The following NECTIN1 variants were observed in gnomAD, a reference collection of about 807,000 sequenced individuals.
NECTIN1 encodes the protein nectin cell adhesion molecule 1.
A neutral mutation model predicts 48.0 loss-of-function variants in NECTIN1; 23 were observed. The observed-to-expected ratio is 0.48, with a 90% confidence interval of 0.34 to 0.68. The LOEUF is 0.68. NECTIN1 is among the 30% of genes least tolerant of loss of function. The pLI is 0.01. For synonymous variants in NECTIN1, 270 were observed against 288.9 expected (o/e 0.93, Z 0.66); for missense variants, 591 against 709.9 (o/e 0.83, Z 1.90).
rs761442448 is a variant in NECTIN1, at chr11:119,664,740, A to AG, written c.*6dup. 6 of 1,605,336 alleles carry AG rather than the reference A, an allele frequency of 3.7e-6. No individual in the cohort carries two copies. Among genetic ancestry groups the AG allele is most frequent in the African/African-American group, 2.7e-5 (2 of 74,690 alleles). On this transcript the variant is annotated 3_prime_UTR_variant, in exon 6 of 6. Transcript: ENST00000264025. ...AGCGGTCACAGACAGAGGCTCTGGA[A>AG]GGGGGGCTACACGTACCACTCCTTC... is the stretch of plus-strand genomic sequence containing the variant.
chr11:119,721,369 C>T (rs1379853541), intron 1 of NECTIN1, among the ~76,000 whole-genome samples: 4 of 152,224 alleles, frequency 2.6e-5, no homozygotes, highest in African/African-American at 9.6e-5. Context: ...AAGCCCATAG[C>T]TTGAACTCAG....
At chr11:119,674,252 G>A (rs1438386813) in intron 5 of NECTIN1, 13 of 1,008,912 alleles carry the variant, frequency 1.3e-5, no homozygotes, top group South Asian at 2.4e-5. Flanking sequence ...AAGACACTCG[G>A]TCACCCTGTC....
Position 119,666,970 on chromosome 11 carries a change from G to C in NECTIN1, c.1004-1673C>G, listed in dbSNP as rs1864781735. Among the ~76,000 whole-genome samples the C allele has an allele frequency of 3.9e-5, 6 of 152,092 alleles. No homozygotes were observed. In the South Asian group the frequency reaches 1.2e-3, roughly 32 times the overall value. On this transcript the variant is annotated intron_variant, in intron 5 of 5. Coordinates refer to ENST00000264025, the MANE Select transcript of NECTIN1 (RefSeq NM_002855.5). ...ACGCGGCTGAGCCAGGACCCCCCAGGGGCTCCTATACACGTGGGCACTGGC... is the reference window on the plus strand; with the variant it reads ...ACGCGGCTGAGCCAGGACCCCCCAGCGGCTCCTATACACGTGGGCACTGGC...
intron 1 of NECTIN1, among the ~76,000 whole-genome samples, chr11:119,702,692 A>G (rs1334397130): frequency 6.6e-6 from 1 of 152,206 alleles, no homozygotes; most frequent in Non-Finnish European, 1.5e-5. Flanking sequence ...TCTCGTCTAT[A>G]AAAATGGAGA....
rs1305206364 is a variant in NECTIN1 at position 119,663,481 on chromosome 11, G to A, written c.*1266C>T. The A allele has an allele frequency of 8.1e-6, 8 of 985,394 alleles. No homozygotes were observed. Among genetic ancestry groups the A allele is most frequent in the African/African-American group, 5.2e-5 (3 of 57,228 alleles). 61.0% of individuals were successfully genotyped at this position (985,394 alleles called of 1,614,324 possible). On this transcript the variant is annotated 3_prime_UTR_variant, in exon 6 of 6. Transcript: ENST00000264025. ...GTGGCTGAGCAGGAGGTGGCCTAGC[G>A]GCCCCACCCCCCTCACTTTCTGCCA... is the stretch of plus-strand genomic sequence containing the variant.
At chr11:119,658,995 G>A (rs1457966767), downstream of NECTIN1, 1 of 152,190 alleles carries the variant, frequency 6.6e-6, no homozygotes, top group East Asian at 1.9e-4. Flanking sequence ...AAATTCTCAA[G>A]GCTGCCCGAA....
chr11:119,655,162 C>T (rs1238511884), intron 5 of NECTIN1, among the ~76,000 whole-genome samples: 4 of 150,734 alleles, frequency 2.7e-5, no homozygotes, highest in Non-Finnish European at 4.4e-5. Context: ...CCACCCACCT[C>T]GGCCTCCCAA....
In NECTIN1 at chr11:119,699,651, A is replaced by C. The variant is rs1055793541; in HGVS notation, c.80-20886T>G. On this transcript the variant is annotated intron_variant, in intron 1 of 5. Transcript: ENST00000264025. ...CAAACATGCAAGGGAGAGTGGCAGG[A>C]GTCTGGGGTAGGGCCTTTTGAAAGA... Among the ~76,000 whole-genome samples the C allele has an allele frequency of 2.0e-5, 3 of 152,168 alleles. No individual in the cohort carries two copies. In the East Asian group the frequency reaches 5.8e-4, roughly 29 times the overall value.
At chr11:119,708,593 T>C (rs553080412) in intron 1 of NECTIN1, among the ~76,000 whole-genome samples, 6 of 119,964 alleles carry the variant, frequency 5.0e-5, no homozygotes, top group South Asian at 5.6e-4. Flanking sequence ...AGAAAGTAGA[T>C]GAGTGGTTGT....
chr11:119,645,868 C>A (rs1196156310), intron 5 of NECTIN1, among the ~76,000 whole-genome samples: 1 of 152,220 alleles, frequency 6.6e-6, no homozygotes, highest in Non-Finnish European at 1.5e-5. Context: ...AGGGAACCCA[C>A]CTAGAGACTC....
At chr11:119,700,026 G>T (rs1441311180) in intron 1 of NECTIN1, among the ~76,000 whole-genome samples, 1 of 152,226 alleles carries the variant, frequency 6.6e-6, no homozygotes, top group African/African-American at 2.4e-5. Flanking sequence ...TGTGGAGCCG[G>T]AACTGTGTTA....
At chr11:119,692,999 T>C (rs6589767) in intron 1 of NECTIN1, among the ~76,000 whole-genome samples, 78,096 of 151,964 alleles carry the variant, frequency 0.51, 21,581 homozygotes, top group African/African-American at 0.72. Context: ...GGCACCATCC[T>C]CCCACCCCTG....
chr11:119,692,429 G>C (rs1024372939), intron 1 of NECTIN1, among the ~76,000 whole-genome samples: 1 of 151,714 alleles, frequency 6.6e-6, no homozygotes, highest in Non-Finnish European at 1.5e-5. Context: ...GTGTGTGTGT[G>C]TGGGTGGCGG....
chr11:119,676,694 G>A, intron 4 of NECTIN1: 1 of 278,326 alleles, frequency 3.6e-6, no homozygotes. Flanking sequence ...GTGCCAGAGA[G>A]AAGGAATAGG....
intron 5 of NECTIN1, among the ~76,000 whole-genome samples, chr11:119,654,596 G>C (rs1864541941): frequency 6.7e-6 from 1 of 149,682 alleles, no homozygotes; most frequent in Non-Finnish European, 1.5e-5. Flanking sequence ...TTTTGAGATG[G>C]AATCTCGCTC....
intron 1 of NECTIN1, among the ~76,000 whole-genome samples, chr11:119,699,067 G>A (rs1865390372): frequency 6.6e-6 from 1 of 152,176 alleles, no homozygotes; most frequent in Admixed American, 6.5e-5. Context: ...TGCCTGCCCT[G>A]GTCCTGGAGT....
Position 119,678,668 on chromosome 11 carries a change from G to T in NECTIN1, c.177C>A (p.Ser59Arg), listed in dbSNP as rs139418917. 3 of 1,613,906 alleles carry T rather than the reference G, an allele frequency of 1.9e-6. No individual in the cohort carries two copies. Among genetic ancestry groups the T allele is most frequent in the East Asian group, 2.2e-5 (1 of 44,876 alleles). The change falls in exon 2 of 6, where the codon AGC (serine) becomes AGA (arginine). Residue 59 changes from serine to arginine, a missense_variant. Ser to Arg is a moderately radical substitution (Grantham distance 110). Coordinates refer to ENST00000264025, the MANE Select transcript of NECTIN1 (RefSeq NM_002855.5). The surrounding 1 kb of genome is among the most constrained non-coding windows in gnomAD (Gnocchi z 4.4). ...GCCATGTGACCTGGGTGATCTTCAC[G>T]CTGGGAAGCGGGTTGGCAAAGCTGC... ...LHCSFANPLP[S>R]VKITQVTWQK... is the part of the protein sequence containing the mutation.
chr11:119,664,705 G>T lies in NECTIN1; in HGVS notation c.*42C>A. 1 of 1,534,018 alleles carries T rather than the reference G, an allele frequency of 6.5e-7. No individual in the cohort carries two copies. The highest frequency in any genetic ancestry group is 8.8e-7 in the Non-Finnish European group (1 of 1,134,832). On this transcript the variant is annotated 3_prime_UTR_variant, in exon 6 of 6. Coordinates refer to ENST00000264025, the MANE Select transcript of NECTIN1 (RefSeq NM_002855.5). ...GTGGGCAGGGGGCGTGCGGGGAGGG[G>T]CTGGGGAGGAGCGGTCACAGACAGA...
chr11:119,700,876 C>CT (rs1285189153), intron 1 of NECTIN1, among the ~76,000 whole-genome samples: 2 of 152,166 alleles, frequency 1.3e-5, no homozygotes, highest in African/African-American at 4.8e-5. Flanking sequence ...AATCCAGGCT[C>CT]TTGCCCAAGT....
Sources: gnomAD v4.1 joint callset for allele counts (sites outside exome capture counted in the v4.1 genomes callset) on GRCh38, gnomAD v4.1.1 for gene constraint, Gnocchi (gnomAD v3.1) non-coding constraint, MANE v1.5 for transcripts, NCBI Gene and HGNC (gene_info 2026-07-23, HGNC 2026-07-21) for gene names.